AFF1: variants seen among roughly 807,000 people sequenced by gnomAD.
The protein encoded by AFF1 is AF4/FMR2 family member 1.
A neutral mutation model predicts 121.7 loss-of-function variants in AFF1; 48 were observed. The observed-to-expected ratio is 0.39, with a 90% CI of 0.31 to 0.50. The LOEUF is 0.50. Among genes scored for constraint, AFF1 ranks in the 20% least tolerant of loss-of-function variants. AFF1 has a pLI of 0.76. For synonymous variants in AFF1, 613 were observed against 563.0 expected (o/e 1.09, Z -1.26); for missense variants, 1,523 against 1,511.7 (o/e 1.01, Z -0.12).
At chr4:86,957,958 A>G (rs775802922) in intron 2 of AFF1, among the ~76,000 whole-genome samples, 2 of 152,030 alleles carry the variant, frequency 1.3e-5, no homozygotes, top group African/African-American at 4.8e-5. Flanking sequence ...TCACTTCTTC[A>G]TACTTTATGT....
chr4:87,059,833 T>C (rs1013618254), intron 4 of AFF1, among the ~76,000 whole-genome samples: 3 of 152,212 alleles, frequency 2.0e-5, no homozygotes, highest in African/African-American at 4.8e-5. Flanking sequence ...CTGCTTTTTC[T>C]CCAGGTGGTA....
At chr4:86,935,731 G>C (rs537424458) in intron 1 of AFF1, 2 of 152,314 alleles carry the variant, frequency 1.3e-5, no homozygotes, top group African/African-American at 4.8e-5. Context: ...GCCGCGTCTC[G>C]CTGAGAGCAG....
chr4:87,121,509 C>G (rs970197783), intron 12 of AFF1, among the ~76,000 whole-genome samples: 5 of 152,176 alleles, frequency 3.3e-5, no homozygotes, highest in Non-Finnish European at 5.9e-5. Flanking sequence ...TGACAAATAC[C>G]GAGTGCCTAC....
chr4:87,019,977 C>G (rs74786888), intron 2 of AFF1, among the ~76,000 whole-genome samples: 5,881 of 149,556 alleles, frequency 0.039, 196 homozygotes, highest in African/African-American at 0.094. Flanking sequence ...ATCTCCTCCT[C>G]CCACGTTTGA....
intron 2 of AFF1, among the ~76,000 whole-genome samples, chr4:86,993,877 T>C (rs1724914202): frequency 6.6e-6 from 1 of 152,112 alleles, no homozygotes; most frequent in Non-Finnish European, 1.5e-5. Context: ...GGCAGGAGAA[T>C]CATGTGAACC....
At chr4:86,969,807 G>A (rs944124157) in intron 2 of AFF1, among the ~76,000 whole-genome samples, 1 of 147,000 alleles carries the variant, frequency 6.8e-6, no homozygotes, top group Non-Finnish European at 1.5e-5. Context: ...GTGAACCCGG[G>A]AGGCGGAGCT....
chr4:87,075,901 T>A (rs1013230858), intron 4 of AFF1, among the ~76,000 whole-genome samples: 2 of 152,250 alleles, frequency 1.3e-5, no homozygotes, highest in Non-Finnish European at 2.9e-5. Flanking sequence ...GAATTTTGTT[T>A]GAGATGTCAT....
In AFF1 at chr4:87,108,217, G is replaced by A; in HGVS notation, c.1435G>A (p.Glu479Lys). 6.2e-7 allele frequency: 1 copy of A among 1,614,142 alleles called. No homozygotes were observed. Among genetic ancestry groups the A allele is most frequent in the Non-Finnish European group, 8.5e-7 (1 of 1,180,010 alleles). ...ASAHSSSAESESTSDSDSSSD... is the reference protein window; with the variant it reads ...ASAHSSSAESKSTSDSDSSSD... The stretch of plus-strand genomic sequence containing the variant: ...AGCACATTCCAGCAGTGCAGAGTCA[G>A]AAAGCACCAGTGACTCAGACAGTTC... The change falls in exon 11 of 21, where the codon GAA (glutamate) becomes AAA (lysine). Residue 479 changes from glutamate to lysine, a missense_variant. Glu to Lys is a moderately conservative substitution (Grantham distance 56). This residue lies in a region of AFF1 where 905 missense variants were observed against 842.5 expected (regional missense o/e 1.07). Transcript: ENST00000395146.
At position 86,949,927 on chromosome 4, in the gene AFF1, C is replaced by T. The variant is rs1469567700; in HGVS notation, c.38+1356C>T. 2.5e-6 allele frequency: 4 copies of T among 1,613,958 alleles called. No homozygotes were observed. The South Asian group carries it at 3.3e-5, about 13-fold the overall frequency. Reference sequence around the variant, plus strand: ...GGTATGGGATCTTCCGCGTCTTGGACCCAGCGGGCCGCAGGTCCCGCAGGG... The same window carrying T: ...GGTATGGGATCTTCCGCGTCTTGGATCCAGCGGGCCGCAGGTCCCGCAGGG... On this transcript the variant is annotated intron_variant, in intron 2 of 20. Coordinates refer to ENST00000395146, the MANE Select transcript of AFF1 (RefSeq NM_001166693.3).
intron 2 of AFF1, among the ~76,000 whole-genome samples, chr4:87,021,004 A>T (rs76986622): frequency 5.3e-5 from 8 of 152,172 alleles, no homozygotes; most frequent in African/African-American, 7.2e-5. Flanking sequence ...CTCTTCCCCA[A>T]GACTCACCAT....
intron 10 of AFF1, among the ~76,000 whole-genome samples, chr4:87,106,508 A>G (rs1725928406): frequency 6.6e-6 from 1 of 152,222 alleles, no homozygotes; most frequent in African/African-American, 2.4e-5. Flanking sequence ...GTTTTCAATA[A>G]AGCTCAGTTA....
chr4:87,092,218 G>A (rs954021206), intron 7 of AFF1, among the ~76,000 whole-genome samples: 26 of 152,198 alleles, frequency 1.7e-4, no homozygotes, highest in Non-Finnish European at 3.2e-4. Context: ...AGGAAGTAGA[G>A]GTTGCAGTGA....
chr4:87,046,369 T>G (rs1434408878), intron 3 of AFF1, 83 bp downstream of exon 3: 27 of 1,505,158 alleles, frequency 1.8e-5, no homozygotes, highest in Non-Finnish European at 2.4e-5. Flanking sequence ...ATAATTGAGT[T>G]CGAACAAGGG....
intron 2 of AFF1, among the ~76,000 whole-genome samples, chr4:87,031,578 A>G (rs1729093172): frequency 2.0e-5 from 3 of 152,006 alleles, no homozygotes; most frequent in Non-Finnish European, 2.9e-5. Context: ...TTCTGTTCTC[A>G]TTCTGTGAGG....
chr4:87,138,630 A>T lies in AFF1; in HGVS notation c.*2929A>T. ...GAGCCCTGCTAAATAATGAAAAAAC[A>T]CTTTACTAAAATTTATCAAATTATA... is the stretch of plus-strand genomic sequence containing the variant. On this transcript the variant is annotated 3_prime_UTR_variant, in exon 21 of 21. Transcript: ENST00000395146. 8.8e-6 allele frequency: 2 copies of T among 226,760 alleles called. No individual in the cohort carries two copies. The highest frequency in any genetic ancestry group is 1.7e-5 in the Non-Finnish European group (2 of 115,992). 14.0% of individuals were successfully genotyped at this position (226,760 alleles called of 1,614,324 possible).
intron 4 of AFF1, among the ~76,000 whole-genome samples, chr4:87,053,462 A>G (rs1731462493): frequency 6.6e-6 from 1 of 152,224 alleles, no homozygotes; most frequent in Non-Finnish European, 1.5e-5. Context: ...TTGCATTCAC[A>G]TATACAAACA....
chr4:87,074,938 C>G (rs1252171047), intron 4 of AFF1, among the ~76,000 whole-genome samples: 1 of 152,114 alleles, frequency 6.6e-6, no homozygotes, highest in Non-Finnish European at 1.5e-5. Flanking sequence ...AACTGGAATC[C>G]TTGGTTTCAT....
rs1446136030 is a variant in AFF1, at chr4:87,046,677, A to T, written c.160-18A>T. The T allele has an allele frequency of 3.2e-6, 5 of 1,582,246 alleles. No homozygotes were observed. The South Asian group carries it at 4.6e-5, about 15-fold the overall frequency. Reference sequence around the variant, plus strand: ...TTCCTTAGTTTTTTTTCATTCTCAAATTCTCCTTTTTTTTCAGACAGCAAA... The same window carrying T: ...TTCCTTAGTTTTTTTTCATTCTCAATTTCTCCTTTTTTTTCAGACAGCAAA... On this transcript the variant is annotated intron_variant, in intron 3 of 20. Transcript: ENST00000395146.
chr4:87,016,154 C>G (rs1727276196), intron 2 of AFF1, among the ~76,000 whole-genome samples: 1 of 152,086 alleles, frequency 6.6e-6, no homozygotes, highest in Non-Finnish European at 1.5e-5. Flanking sequence ...GCACTCCAGC[C>G]TGGGCGATCT....
Sources: allele counts gnomAD v4.1 joint callset (sites outside exome capture counted in the v4.1 genomes callset), GRCh38; gene constraint gnomAD v4.1.1; regional missense constraint gnomAD v4.1.1; transcripts MANE v1.5; gene names NCBI Gene and HGNC (gene_info 2026-07-23, HGNC 2026-07-21).